HMBOX1: variants seen among roughly 807,000 people sequenced by gnomAD.
The protein encoded by HMBOX1 is homeobox containing 1.
Under a neutral mutation model 54.5 loss-of-function variants are expected in HMBOX1, and 14 were observed. The observed-to-expected ratio is 0.26, with a 90% CI of 0.17 to 0.40. The LOEUF (loss-of-function observed/expected upper bound fraction) is 0.40. Ranked by LOEUF, HMBOX1 falls within the 10% of genes least tolerant of loss-of-function variation. HMBOX1 has a pLI of 1.00. For missense variants in HMBOX1, 332 were observed against 514.4 expected (o/e 0.65, Z 3.43); for synonymous variants, 160 against 181.0 (o/e 0.88, Z 0.93).
intron 4 of HMBOX1, among the ~76,000 whole-genome samples, chr8:28,987,058 G>C (rs902984794): frequency 1.3e-5 from 2 of 152,136 alleles, no homozygotes; most frequent in East Asian, 3.8e-4. Flanking sequence ...GTGCATAGGA[G>C]TCTACATTTT....
At chr8:28,978,864 T>C (rs1361523886) in intron 3 of HMBOX1, among the ~76,000 whole-genome samples, 1 of 152,144 alleles carries the variant, frequency 6.6e-6, no homozygotes, top group Non-Finnish European at 1.5e-5. Context: ...AAATTTTTAT[T>C]GACAAAAGTC....
chr8:28,952,381 C>G (rs1413504899), intron 1 of HMBOX1, among the ~76,000 whole-genome samples: 6 of 151,880 alleles, frequency 4.0e-5, no homozygotes, highest in Non-Finnish European at 7.4e-5. Flanking sequence ...TTACAGGCCC[C>G]CACCACCGCT....
intron 3 of HMBOX1, among the ~76,000 whole-genome samples, chr8:28,974,734 T>C (rs1450478090): frequency 6.6e-6 from 1 of 152,204 alleles, no homozygotes; most frequent in East Asian, 1.9e-4. Context: ...TTTGTCTCCA[T>C]AGGTGAAAAT....
intron 1 of HMBOX1, among the ~76,000 whole-genome samples, chr8:28,915,401 C>CA (rs1434683110): frequency 1.3e-5 from 2 of 151,430 alleles, no homozygotes; most frequent in South Asian, 2.1e-4. Flanking sequence ...ACTAAAAATA[C>CA]AAAAAATTAG....
chr8:28,912,927 A>G (rs1227841605), intron 1 of HMBOX1, among the ~76,000 whole-genome samples: 1 of 152,176 alleles, frequency 6.6e-6, no homozygotes, highest in African/African-American at 2.4e-5. Flanking sequence ...CACTTCTAGT[A>G]TTGCTTATTG....
chr8:28,970,881 T>G lies in HMBOX1; in HGVS notation c.500+362T>G, dbSNP rs1315888575. ...ACTTTTTCTGAGGGATAATTTTATC[T>G]TGATCAGAATATGTACACTCTTAAT... On this transcript the variant is annotated intron_variant, in intron 3 of 9. Transcript: ENST00000287701. The surrounding 1 kb of genome is among the most constrained non-coding windows in gnomAD (Gnocchi z 4.3). 6.6e-6 allele frequency among the ~76,000 whole-genome samples: 1 copy of G among 151,904 alleles called. No homozygotes were observed. Among genetic ancestry groups the G allele is most frequent in the African/African-American group, 2.4e-5 (1 of 41,326 alleles).
At chr8:28,935,297 A>G (rs1390280471) in intron 1 of HMBOX1, among the ~76,000 whole-genome samples, 2 of 152,228 alleles carry the variant, frequency 1.3e-5, no homozygotes, top group African/African-American at 4.8e-5. Flanking sequence ...AATTCAGAAT[A>G]CCTATAATAA....
At chr8:28,917,236 A>G (rs1053722820) in intron 1 of HMBOX1, among the ~76,000 whole-genome samples, 6 of 152,142 alleles carry the variant, frequency 3.9e-5, no homozygotes, top group African/African-American at 1.4e-4. Flanking sequence ...TATTTAGATC[A>G]TCTTTGATTT....
intron 3 of HMBOX1, among the ~76,000 whole-genome samples, chr8:28,975,727 A>G (rs1287931512): frequency 2.0e-5 from 3 of 152,244 alleles, no homozygotes; most frequent in East Asian, 3.9e-4. Context: ...GATTTGAGGC[A>G]TAGAAATCTT....
chr8:29,025,594 T>G (rs62502810), intron 6 of HMBOX1, among the ~76,000 whole-genome samples: 10 of 152,230 alleles, frequency 6.6e-5, no homozygotes, highest in Non-Finnish European at 1.2e-4. Flanking sequence ...TCTTCTAGTT[T>G]AATGCTTTGA....
chr8:29,039,424 A>T (rs867802923), intron 6 of HMBOX1, among the ~76,000 whole-genome samples: 5 of 152,322 alleles, frequency 3.3e-5, no homozygotes, highest in African/African-American at 1.2e-4. Context: ...AAACCACCAA[A>T]TGTACTTAGA....
intron 4 of HMBOX1, among the ~76,000 whole-genome samples, chr8:28,980,864 C>T (rs920715866): frequency 6.6e-6 from 1 of 152,130 alleles, no homozygotes; most frequent in Non-Finnish European, 1.5e-5. Flanking sequence ...GAACCGGACA[C>T]TCTTTTCAAC....
At chr8:28,893,329 G>A (rs924923942) in intron 1 of HMBOX1, among the ~76,000 whole-genome samples, 4 of 152,120 alleles carry the variant, frequency 2.6e-5, no homozygotes, top group Non-Finnish European at 5.9e-5. Flanking sequence ...GAAAACCAGG[G>A]CATGGGTGCT....
intron 6 of HMBOX1, among the ~76,000 whole-genome samples, chr8:29,040,919 G>A (rs917774628): frequency 2.6e-5 from 4 of 151,936 alleles, no homozygotes; most frequent in African/African-American, 7.3e-5. Context: ...GAATAATCGC[G>A]AATTCTAGTT....
chr8:28,949,549 G>A (rs1823035452), intron 1 of HMBOX1: 2 of 152,088 alleles, frequency 1.3e-5, no homozygotes, highest in African/African-American at 4.8e-5. Flanking sequence ...TTTAAATTTA[G>A]TATCACAGAA....
intron 6 of HMBOX1, among the ~76,000 whole-genome samples, chr8:29,022,024 T>C (rs1801267683): frequency 6.6e-6 from 1 of 152,196 alleles, no homozygotes; most frequent in African/African-American, 2.4e-5. Context: ...CATACGTTAC[T>C]TGTAGAAATG....
At chr8:28,914,470 A>C (rs1816135881) in intron 1 of HMBOX1, among the ~76,000 whole-genome samples, 1 of 152,256 alleles carries the variant, frequency 6.6e-6, no homozygotes, top group Non-Finnish European at 1.5e-5. Context: ...CCTCATCAGA[A>C]TCATCTTTTC....
intron 4 of HMBOX1, among the ~76,000 whole-genome samples, chr8:29,004,121 AG>A (rs1394666701): frequency 6.6e-6 from 1 of 152,228 alleles, no homozygotes; most frequent in Non-Finnish European, 1.5e-5. Context: ...GAAGGAGAAC[AG>A]ATTTAAGGAT....
Position 29,048,977 on chromosome 8 carries a change from G to T in HMBOX1, c.1054G>T (p.Gly352Trp). The T allele has an allele frequency of 6.2e-7, 1 of 1,613,012 alleles. No homozygotes were observed. The part of the protein sequence containing the change: ...NIEAAILESH[G>W]IDVQSPGGHS... ...AGAAGCAGCAATCCTGGAGAGTCAT[G>T]GGATAGATGTGCAGAGTCCAGGAGG... The change falls in exon 9 of 10, where the codon GGG (glycine) becomes TGG (tryptophan). Residue 352 changes from glycine (G) to tryptophan (W), a missense_variant. Transcript: ENST00000287701.
Sources: gnomAD v4.1 joint callset for allele counts (sites outside exome capture counted in the v4.1 genomes callset) on GRCh38, gnomAD v4.1.1 for gene constraint, Gnocchi (gnomAD v3.1) non-coding constraint, MANE v1.5 for transcripts, NCBI Gene and HGNC (gene_info 2026-07-23, HGNC 2026-07-21) for gene names.